HMCN1: variants seen among roughly 807,000 people sequenced by gnomAD.
The protein encoded by HMCN1 is hemicentin 1, also known as hemicentin-1.
In HMCN1, 321 loss-of-function variants were observed where a neutral mutation model predicts 625.9. That is an observed-to-expected ratio of 0.51 (90% CI 0.47 to 0.56). The LOEUF is 0.56. Among genes scored for constraint, HMCN1 ranks in the 20% least tolerant of loss-of-function variants. HMCN1 has a pLI of 0.00. For synonymous variants in HMCN1, 2,425 were observed against 2,417.6 expected, an observed-to-expected ratio of 1.00 and a Z score of -0.09; for missense variants, 6,588 against 6,887.3, an observed-to-expected ratio of 0.96 and a Z score of 1.54.
chr1:185,875,697 C>CCTTTA (rs764392103), intron 4 of HMCN1, among the ~76,000 whole-genome samples: 33 of 152,036 alleles, frequency 2.2e-4, no homozygotes, highest in African/African-American at 6.3e-4. Context: ...TTCTCTGCCT[C>CCTTTA]CTTTACTTTA....
chr1:185,907,560 G>A (rs16824726), intron 4 of HMCN1, among the ~76,000 whole-genome samples: 1 of 151,816 alleles, frequency 6.6e-6, no homozygotes, highest in East Asian at 1.9e-4. Flanking sequence ...GGAGTACTTC[G>A]GTCTCTGTCT....
intron 4 of HMCN1, among the ~76,000 whole-genome samples, chr1:185,889,782 G>T (rs955918509): frequency 1.4e-5 from 2 of 140,634 alleles, no homozygotes; most frequent in Non-Finnish European, 3.0e-5. Context: ...TTTTTTGGTT[G>T]TGTCTCTGCC....
rs375425986 is a variant in HMCN1 at position 186,189,665 on chromosome 1, C to T, written c.16695C>T (p.Pro5565=). 2.1e-5 allele frequency: 34 copies of T among 1,611,962 alleles called. No homozygotes were observed. The highest frequency in any genetic ancestry group is 2.8e-5 in the Non-Finnish European group (33 of 1,178,606). ...VAYTQDGVMH[P]RTTFLMVDEE... is the part of the protein sequence containing the mutation. ...ACACACAGGATGGAGTGATGCATCC[C>T]AGGACAACTTTCCTCATGGTAGATG... The change falls in exon 107 of 107, where the codon CCC becomes CCT. Residue 5565 remains proline, a synonymous_variant. Transcript: ENST00000271588.
At chr1:186,185,684 G>A (rs10489750) in intron 105 of HMCN1, among the ~76,000 whole-genome samples, 34,623 of 152,138 alleles carry the variant, frequency 0.23, 4,337 homozygotes, top group East Asian at 0.52. Flanking sequence ...TTCCTTAGAA[G>A]ATGTTTGGAG....
At chr1:185,933,919 T>G in intron 11 of HMCN1, 95 bp downstream of exon 11, 180 of 917,582 alleles carry the variant, frequency 2.0e-4, no homozygotes, top group Non-Finnish European at 2.9e-4. Flanking sequence ...AGAGTGAGAG[T>G]ATCTACCCAA....
chr1:185,762,786 G>C (rs993272082), intron 1 of HMCN1, among the ~76,000 whole-genome samples: 1 of 152,138 alleles, frequency 6.6e-6, no homozygotes, highest in Non-Finnish European at 1.5e-5. Flanking sequence ...TTTTAGTGTG[G>C]AAGAGATTTA....
intron 1 of HMCN1, among the ~76,000 whole-genome samples, chr1:185,765,834 A>T (rs1655838954): frequency 6.6e-6 from 1 of 152,176 alleles, no homozygotes; most frequent in South Asian, 2.1e-4. Flanking sequence ...CTGTGTTCTA[A>T]TCTATGTGAT....
intron 6 of HMCN1, among the ~76,000 whole-genome samples, chr1:185,916,234 A>G (rs181212920): frequency 5.9e-5 from 9 of 152,292 alleles, no homozygotes; most frequent in Admixed American, 1.3e-4. Context: ...TTCTTAATAA[A>G]TATTTTATTG....
At chr1:185,886,071 T>A (rs193250590) in intron 4 of HMCN1, among the ~76,000 whole-genome samples, 1 of 152,264 alleles carries the variant, frequency 6.6e-6, no homozygotes, top group Admixed American at 6.5e-5. Flanking sequence ...TAAGCATCAT[T>A]TACATAACTC....
At chr1:185,840,703 T>A (rs1661424994) in intron 1 of HMCN1, among the ~76,000 whole-genome samples, 1 of 152,218 alleles carries the variant, frequency 6.6e-6, no homozygotes, top group Non-Finnish European at 1.5e-5. Flanking sequence ...AGTTTTCAAC[T>A]GTGGTAGAGC....
rs555740499 is a variant in HMCN1, at chr1:185,892,980, C to A, written c.622-16357C>A. ...TCAGCGAGACTCCGTGGGGTAGGAC[C>A]CTCCAAGCCAGGTGCGGGATATAAT... On this transcript the variant is annotated intron_variant, in intron 4 of 106. Transcript: ENST00000271588. Among the ~76,000 whole-genome samples the A allele has an allele frequency of 4.5e-4, 68 of 152,234 alleles. 1 individual carries two copies. The highest frequency in any genetic ancestry group is 3.4e-3 in the Middle Eastern group (1 of 294).
chr1:185,912,236 A>G (rs1007842722), intron 6 of HMCN1, among the ~76,000 whole-genome samples: 2 of 152,158 alleles, frequency 1.3e-5, no homozygotes, highest in African/African-American at 4.8e-5. Flanking sequence ...GATGATAGTC[A>G]CTGTCCTTTA....
intron 46 of HMCN1, among the ~76,000 whole-genome samples, chr1:186,060,117 A>G (rs1268889916): frequency 6.6e-6 from 1 of 152,054 alleles, no homozygotes; most frequent in African/African-American, 2.4e-5. Flanking sequence ...AATTCAGGTA[A>G]TTAGCTTTGT....
chr1:185,782,749 T>A (rs1657230925), intron 1 of HMCN1, among the ~76,000 whole-genome samples: 1 of 152,168 alleles, frequency 6.6e-6, no homozygotes, highest in Non-Finnish European at 1.5e-5. Flanking sequence ...TTGTGGGTAA[T>A]CCCACCTTTG....
intron 24 of HMCN1, 44 bp from the exon 25 acceptor site, chr1:185,997,385 T>C (rs1652864337): frequency 8.0e-7 from 1 of 1,255,926 alleles, no homozygotes; most frequent in Admixed American, 1.7e-5. Context: ...GAGTTTGAAA[T>C]TGCTCAAAGA....
At position 186,137,688 on chromosome 1, in the gene HMCN1, T is replaced by C; in HGVS notation, c.13753+20T>C. On this transcript the variant is annotated intron_variant, in intron 88 of 106. Coordinates refer to ENST00000271588, the MANE Select transcript of HMCN1 (RefSeq NM_031935.3). ...GTCCAGGTACACCTCCTTATTTAAC[T>C]GATAGGCATGTGTTTAATAGACCTT... The C allele has an allele frequency of 6.2e-7, 1 of 1,613,996 alleles. No homozygotes were observed. Among genetic ancestry groups the C allele is most frequent in the Non-Finnish European group, 8.5e-7 (1 of 1,179,902 alleles).
At position 185,976,521 on chromosome 1, in the gene HMCN1, C is replaced by T. The variant is rs1237639768; in HGVS notation, c.2372-1266C>T. Among the ~76,000 whole-genome samples the T allele has an allele frequency of 2.6e-5, 4 of 152,126 alleles. No homozygotes were observed. In the East Asian group the frequency reaches 7.7e-4, roughly 29 times the overall value. Reference sequence around the variant, plus strand: ...GTAGGAATATTTATGAGCCTGCTAACTAGTGTGACTATGAGCAGTTGTGAG... The same window carrying T: ...GTAGGAATATTTATGAGCCTGCTAATTAGTGTGACTATGAGCAGTTGTGAG... On this transcript the variant is annotated intron_variant, in intron 15 of 106. Transcript: ENST00000271588.
intron 52 of HMCN1, among the ~76,000 whole-genome samples, chr1:186,071,700 T>G (rs1232004810): frequency 6.6e-6 from 1 of 152,130 alleles, no homozygotes; most frequent in Non-Finnish European, 1.5e-5. Context: ...AGAAAAAAAG[T>G]CATCTTATAA....
intron 89 of HMCN1, among the ~76,000 whole-genome samples, chr1:186,143,643 A>T (rs1461038120): frequency 1.3e-5 from 2 of 152,230 alleles, no homozygotes; most frequent in Non-Finnish European, 2.9e-5. Flanking sequence ...AGCTGTGCAA[A>T]TCATCATGTT....
Sources: allele counts gnomAD v4.1 joint callset (sites outside exome capture counted in the v4.1 genomes callset), GRCh38; gene constraint gnomAD v4.1.1; transcripts MANE v1.5; gene names NCBI Gene and HGNC (gene_info 2026-07-23, HGNC 2026-07-21).